The following PTPRE variants were observed in gnomAD, a reference collection of about 807,000 sequenced individuals.
PTPRE encodes receptor-type tyrosine-protein phosphatase epsilon.
PTPRE carries 51 observed loss-of-function variants against 102.0 expected under a neutral mutation model. That is an observed-to-expected ratio of 0.50 (90% CI 0.40 to 0.63). The LOEUF is 0.63. Ranked by LOEUF, PTPRE falls within the 30% of genes least tolerant of loss-of-function variation. The pLI is 0.00. For missense variants in PTPRE, 752 were observed against 915.1 expected, an observed-to-expected ratio of 0.82 and a Z score of 2.30; for synonymous variants, 345 against 348.2, an observed-to-expected ratio of 0.99 and a Z score of 0.10.
chr10:128,058,051 A>C (rs1386738400), intron 7 of PTPRE, among the ~76,000 whole-genome samples: 1 of 152,248 alleles, frequency 6.6e-6, no homozygotes, highest in African/African-American at 2.4e-5. Flanking sequence ...CTCAGTGCTA[A>C]GCACATTCCT....
At chr10:127,918,393 C>A (rs2135165281) in intron 1 of PTPRE, among the ~76,000 whole-genome samples, 1 of 152,076 alleles carries the variant, frequency 6.6e-6, no homozygotes, top group South Asian at 2.1e-4. Context: ...CCCATCTCTA[C>A]TAAAAACACA....
chr10:128,047,701 G>A (rs201882541), intron 4 of PTPRE, 63 bp from the exon 5 acceptor site: 44 of 1,614,076 alleles, frequency 2.7e-5, no homozygotes, highest in Middle Eastern at 1.6e-4. Context: ...TCACTGTGCC[G>A]AGCGCTGTTG....
At chr10:128,046,447 C>T (rs549866904) in intron 3 of PTPRE, among the ~76,000 whole-genome samples, 6 of 152,300 alleles carry the variant, frequency 3.9e-5, no homozygotes, top group Admixed American at 3.3e-4. Flanking sequence ...CCCAGAAACC[C>T]GGGAGCCAAG....
intron 2 of PTPRE, among the ~76,000 whole-genome samples, chr10:128,031,125 A>T (rs1414465238): frequency 6.6e-6 from 1 of 152,242 alleles, no homozygotes; most frequent in African/African-American, 2.4e-5. Flanking sequence ...ATGGATGAAT[A>T]CATAAGCCAA....
intron 1 of PTPRE, among the ~76,000 whole-genome samples, chr10:127,908,833 CG>C (rs1477562989): frequency 1.3e-5 from 2 of 152,172 alleles, no homozygotes; most frequent in African/African-American, 4.8e-5. Context: ...CCCAACAGAC[CG>C]TTCCCATGTG....
At chr10:127,960,789 C>T (rs551714574) in intron 1 of PTPRE, among the ~76,000 whole-genome samples, 17 of 152,100 alleles carry the variant, frequency 1.1e-4, no homozygotes, top group Non-Finnish European at 1.9e-4. Flanking sequence ...TTTGGGAGGC[C>T]GAGGTGGGCG....
At chr10:127,932,715 G>A (rs980019831) in intron 1 of PTPRE, among the ~76,000 whole-genome samples, 11 of 152,202 alleles carry the variant, frequency 7.2e-5, no homozygotes, top group African/African-American at 1.4e-4. Context: ...CTCACTCAGT[G>A]GCTCACCGTC....
chr10:127,925,347 C>T (rs1268820397), intron 1 of PTPRE, among the ~76,000 whole-genome samples: 1 of 152,232 alleles, frequency 6.6e-6, no homozygotes, highest in Non-Finnish European at 1.5e-5. Context: ...CTTATTCCTT[C>T]AGGAAAGAAT....
At chr10:127,933,552 G>C (rs1350448834) in intron 1 of PTPRE, among the ~76,000 whole-genome samples, 1 of 152,328 alleles carries the variant, frequency 6.6e-6, no homozygotes, top group Non-Finnish European at 1.5e-5. Flanking sequence ...GAATTCTGAT[G>C]TGCGATAAAA....
intron 1 of PTPRE, among the ~76,000 whole-genome samples, chr10:127,947,004 G>A (rs1339832044): frequency 3.6e-5 from 5 of 139,508 alleles, no homozygotes; most frequent in African/African-American, 1.4e-4. Flanking sequence ...TTAGATGACA[G>A]AATGAGACCC....
chr10:128,062,994 C>G (rs1452008828), intron 9 of PTPRE, 89 bp from the exon 10 acceptor site: 74 of 1,573,430 alleles, frequency 4.7e-5, no homozygotes, highest in Non-Finnish European at 5.9e-5. Flanking sequence ...AACAGCTGTC[C>G]AGGGGCCAAC....
chr10:128,038,505 T>C (rs1043155960), intron 2 of PTPRE, among the ~76,000 whole-genome samples: 3 of 152,060 alleles, frequency 2.0e-5, no homozygotes, highest in African/African-American at 7.2e-5. Context: ...ATGTCCTTTG[T>C]AGGGACATGG....
In PTPRE at chr10:127,944,370, AGATGGATGGATATGTG is replaced by A. The variant is rs1848462397; in HGVS notation, c.-31+37073_-31+37088del. The stretch of plus-strand genomic sequence containing the variant: ...GTGGATGGATGGATGGACGATGGAC[AGATGGATGGATATGTG>A]GATGGATGGATGGATGGATGGATGG... On this transcript the variant is annotated intron_variant, in intron 1 of 20. Transcript: ENST00000254667. This position sits in a 1 kb window ranked among gnomAD's most constrained non-coding sequence, Gnocchi z 4.2. 6.6e-6 allele frequency among the ~76,000 whole-genome samples: 1 copy of A among 151,398 alleles called. No homozygotes were observed. Among genetic ancestry groups the A allele is most frequent in the African/African-American group, 2.4e-5 (1 of 41,178 alleles).
At chr10:127,988,907 G>A (rs1424629038) in intron 2 of PTPRE, among the ~76,000 whole-genome samples, 1 of 152,186 alleles carries the variant, frequency 6.6e-6, no homozygotes, top group East Asian at 1.9e-4. Context: ...AAGGATCTCT[G>A]TGGAACTACT....
chr10:128,050,720 G>A (rs571833756), intron 6 of PTPRE, among the ~76,000 whole-genome samples: 5 of 152,320 alleles, frequency 3.3e-5, no homozygotes, highest in African/African-American at 1.2e-4. Context: ...CCTTGAAGCT[G>A]TCTTCCACCA....
Position 128,047,475 on chromosome 10 carries a change from C to G in PTPRE, c.195C>G (p.Ala65=), listed in dbSNP as rs758524608. ...LLLLLLVLLL[A]AYFFRFRKQR... ...TCCTCCTCCTCGTGCTCCTTCTCGC[C>G]GCCTACTTCTTCAGGTAGGAGTGTC... The change falls in exon 4 of 21, where the codon GCC becomes GCG. Residue 65 remains alanine (A), a synonymous_variant. Transcript: ENST00000254667. The G allele has an allele frequency of 1.9e-6, 3 of 1,613,308 alleles. No homozygotes were observed. Among genetic ancestry groups the G allele is most frequent in the African/African-American group, 1.3e-5 (1 of 74,932 alleles).
chr10:127,992,607 C>T (rs1222347292), intron 2 of PTPRE, among the ~76,000 whole-genome samples: 2 of 152,174 alleles, frequency 1.3e-5, no homozygotes, highest in African/African-American at 4.8e-5. Flanking sequence ...TCAGGAAACA[C>T]CCGAGTTACC....
At chr10:127,989,670 T>C (rs1326282693) in intron 2 of PTPRE, among the ~76,000 whole-genome samples, 1 of 152,278 alleles carries the variant, frequency 6.6e-6, no homozygotes. Flanking sequence ...AGAAAAACTT[T>C]TCCGTTATGA....
chr10:128,077,627 G>A lies in PTPRE; in HGVS notation c.1736G>A (p.Arg579His), dbSNP rs146660899. Residue 579 changes from arginine (R) to histidine (H), a missense_variant, in exon 19 of 21, where the codon CGC (arginine) becomes CAC (histidine). Around this residue, in one of 2 missense-constraint regions of PTPRE, gnomAD observed 636 missense variants for 824.4 expected, o/e 0.77. Transcript: ENST00000254667. ...FLVTLNQPQA[R>H]QEEQVRVVRQ... ...CTCTCCTCCCTGCAGCCCCAGGCCC[G>A]CCAGGAGGAGCAGGTCCGAGTAGTG... The A allele has an allele frequency of 1.4e-3, 2,330 of 1,608,100 alleles. 2 individuals are homozygous for A. Among genetic ancestry groups the A allele is most frequent in the Non-Finnish European group, 1.9e-3 (2,188 of 1,175,678 alleles).
Sources: gnomAD v4.1 joint callset for allele counts (sites outside exome capture counted in the v4.1 genomes callset) on GRCh38, gnomAD v4.1.1 for gene constraint, gnomAD v4.1.1 regional missense constraint, Gnocchi (gnomAD v3.1) non-coding constraint, MANE v1.5 for transcripts, NCBI Gene and HGNC (gene_info 2026-07-23, HGNC 2026-07-21) for gene names.